The following ZNF827 variants were observed in gnomAD, a reference collection of about 807,000 sequenced individuals.
The protein encoded by ZNF827 is zinc finger protein 827.
ZNF827 carries 13 observed loss-of-function variants against 102.4 expected under a neutral mutation model. The ratio of observed to expected loss-of-function variants is 0.13; its 90% CI spans 0.08 to 0.20. The LOEUF is 0.20. ZNF827 is among the 10% of genes least tolerant of loss of function. The pLI is 1.00. For synonymous variants in ZNF827, 523 were observed against 536.2 expected, an observed-to-expected ratio of 0.98 and a Z score of 0.34; for missense variants, 1,103 against 1,344.4, an observed-to-expected ratio of 0.82 and a Z score of 2.81.
At chr4:145,908,925 G>A (rs1272135631) in intron 1 of ZNF827, among the ~76,000 whole-genome samples, 3 of 152,186 alleles carry the variant, frequency 2.0e-5, no homozygotes, top group Non-Finnish European at 2.9e-5. Flanking sequence ...GGACCTCAAA[G>A]GATGAGGGCG....
chr4:145,934,039 T>A (rs572411407), intron 1 of ZNF827, among the ~76,000 whole-genome samples: 154 of 152,338 alleles, frequency 1.0e-3, no homozygotes, highest in Admixed American at 2.0e-3. Flanking sequence ...GACATTTTTT[T>A]AAATATAGTA....
chr4:145,761,054 G>A lies in ZNF827; in HGVS notation c.*562C>T. ...GCTGCCGACAGGGCCACGGTCTGCA[G>A]AGCCTGGGAGGCAGACATAACTGAC... On this transcript the variant is annotated 3_prime_UTR_variant, in exon 15 of 15. Coordinates refer to ENST00000508784, the MANE Select transcript of ZNF827 (RefSeq NM_001306215.2). The surrounding 1 kb of genome is among the most constrained non-coding windows in gnomAD (Gnocchi z 6.8). 1 of 1,288,914 alleles carries A rather than the reference G, an allele frequency of 7.8e-7. No individual in the cohort carries two copies. Among genetic ancestry groups the A allele is most frequent in the Non-Finnish European group, 1.0e-6 (1 of 988,228 alleles). The allele number at this position is 1,288,914 out of a possible 1,614,324, so 79.8% of individuals were successfully genotyped here.
At chr4:145,868,622 G>T (rs956541656) in intron 5 of ZNF827, among the ~76,000 whole-genome samples, 1 of 152,202 alleles carries the variant, frequency 6.6e-6, no homozygotes, top group African/African-American at 2.4e-5. Context: ...TTCCACACTT[G>T]TGTCTCAAAT....
At chr4:145,797,998 G>A (rs1202472770) in intron 8 of ZNF827, among the ~76,000 whole-genome samples, 2 of 152,072 alleles carry the variant, frequency 1.3e-5, no homozygotes, top group African/African-American at 2.4e-5. Context: ...CTCCCTCACC[G>A]AATTTAAGAT....
chr4:145,809,254 T>G (rs1043296938), intron 8 of ZNF827, among the ~76,000 whole-genome samples: 5 of 152,230 alleles, frequency 3.3e-5, no homozygotes, highest in Admixed American at 2.6e-4. Context: ...AAAATGAAAC[T>G]AACTTATTGG....
intron 8 of ZNF827, among the ~76,000 whole-genome samples, chr4:145,821,189 CAATA>C (rs1028633139): frequency 6.6e-6 from 1 of 152,086 alleles, no homozygotes; most frequent in African/African-American, 2.4e-5. Flanking sequence ...TAAATAAAGA[CAATA>C]AATAAATAGC....
intron 5 of ZNF827, among the ~76,000 whole-genome samples, chr4:145,867,553 C>T (rs1463550475): frequency 1.3e-5 from 2 of 152,324 alleles, no homozygotes; most frequent in Admixed American, 1.3e-4. Flanking sequence ...CTATAGGTCA[C>T]CACTTCTAAC....
At chr4:145,781,388 G>C (rs1043865226) in intron 8 of ZNF827, among the ~76,000 whole-genome samples, 2 of 152,118 alleles carry the variant, frequency 1.3e-5, no homozygotes, top group Non-Finnish European at 2.9e-5. Context: ...TGATTTGCCA[G>C]ATAGGGAAGA....
At chr4:145,871,581 A>C (rs1748684527) in intron 4 of ZNF827, among the ~76,000 whole-genome samples, 1 of 152,236 alleles carries the variant, frequency 6.6e-6, no homozygotes, top group African/African-American at 2.4e-5. Flanking sequence ...GATTGTGTCC[A>C]TCTTTTGAGA....
At chr4:145,852,805 A>G (rs1406212501) in intron 5 of ZNF827, among the ~76,000 whole-genome samples, 1 of 152,102 alleles carries the variant, frequency 6.6e-6, no homozygotes, top group Non-Finnish European at 1.5e-5. Context: ...CCCAGGCTGG[A>G]GTGCAGTGGC....
intron 1 of ZNF827, among the ~76,000 whole-genome samples, chr4:145,914,502 C>T (rs1752532746): frequency 6.6e-6 from 1 of 152,180 alleles, no homozygotes; most frequent in Non-Finnish European, 1.5e-5. Context: ...CAGTTTTAAC[C>T]TTTACTCCTA....
chr4:145,931,817 C>G (rs968741299), intron 1 of ZNF827, among the ~76,000 whole-genome samples: 3 of 152,214 alleles, frequency 2.0e-5, no homozygotes, highest in African/African-American at 7.2e-5. Context: ...TCACAGATGG[C>G]ACTGTTGACC....
intron 1 of ZNF827, among the ~76,000 whole-genome samples, chr4:145,927,782 T>C (rs764793464): frequency 6.6e-6 from 1 of 152,244 alleles, no homozygotes; most frequent in Non-Finnish European, 1.5e-5. Context: ...TGTCCACTTC[T>C]GTCCAATCAG....
chr4:145,885,563 T>C, intron 4 of ZNF827, 115 bp downstream of exon 4: 1 of 1,406,410 alleles, frequency 7.1e-7, no homozygotes, highest in Non-Finnish European at 9.3e-7. Flanking sequence ...TGAAATCATC[T>C]AGTTCTACCA....
chr4:145,850,902 G>T (rs1200848912), intron 5 of ZNF827, among the ~76,000 whole-genome samples: 1 of 152,138 alleles, frequency 6.6e-6, no homozygotes, highest in East Asian at 1.9e-4. Context: ...GGGAAAAAAA[G>T]GTCCTTGCAG....
chr4:145,934,741 G>A (rs1026378328), intron 1 of ZNF827, among the ~76,000 whole-genome samples: 1 of 152,142 alleles, frequency 6.6e-6, no homozygotes, highest in South Asian at 2.1e-4. Context: ...GGCTAGTATT[G>A]TACTTAATAT....
chr4:145,827,164 A>G (rs1213040688), intron 7 of ZNF827, among the ~76,000 whole-genome samples: 1 of 152,072 alleles, frequency 6.6e-6, no homozygotes, highest in African/African-American at 2.4e-5. Context: ...GCCCATGCCC[A>G]TGAGTTGAGC....
chr4:145,925,496 T>C (rs192570816), intron 1 of ZNF827, among the ~76,000 whole-genome samples: 1 of 152,332 alleles, frequency 6.6e-6, no homozygotes, highest in Non-Finnish European at 1.5e-5. Flanking sequence ...GATTATTTCG[T>C]GTCAACATTT....
chr4:145,863,871 G>A (rs1255856729), intron 5 of ZNF827, among the ~76,000 whole-genome samples: 1 of 152,070 alleles, frequency 6.6e-6, no homozygotes, highest in Non-Finnish European at 1.5e-5. Context: ...ACTTTGAATG[G>A]GTAAATTTTA....
Sources: gnomAD v4.1 joint callset for allele counts (sites outside exome capture counted in the v4.1 genomes callset) on GRCh38, gnomAD v4.1.1 for gene constraint, Gnocchi (gnomAD v3.1) non-coding constraint, MANE v1.5 for transcripts, NCBI Gene and HGNC (gene_info 2026-07-23, HGNC 2026-07-21) for gene names.